The following FRY variants were observed in gnomAD, a reference collection of about 807,000 sequenced individuals.
FRY encodes FRY microtubule binding protein.
A neutral mutation model predicts 348.4 loss-of-function variants in FRY; 128 were observed. That is an observed-to-expected ratio of 0.37 (90% CI 0.32 to 0.43). The LOEUF (loss-of-function observed/expected upper bound fraction) is 0.43, where lower values mean the gene tolerates loss of function less well. Ranked by LOEUF, FRY falls within the 20% of genes least tolerant of loss-of-function variation. The pLI, the probability that FRY is intolerant of heterozygous loss-of-function variation, is 1.00. For synonymous variants in FRY, 1,370 were observed against 1,374.7 expected (o/e 1.00, Z 0.08); for missense variants, 2,736 against 3,695.2 (o/e 0.74, Z 6.73).
rs1292196488 is a variant in FRY, at chr13:32,126,504, A to T, written c.716+1629A>T. Among the ~76,000 whole-genome samples the T allele has an allele frequency of 3.3e-5, 5 of 152,048 alleles. No homozygotes were observed. In the East Asian group the frequency reaches 9.6e-4, roughly 29 times the overall value. ...AATGGTGGCTTTTTTTATTTTCGTG[A>T]TGTCAGTATTTGTCCCTATTCTGCG... On this transcript the variant is annotated intron_variant, in intron 7 of 60. Coordinates refer to ENST00000542859, the MANE Select transcript of FRY (RefSeq NM_023037.3).
intron 51 of FRY, 57 bp downstream of exon 51, chr13:32,254,451 C>A: frequency 6.9e-7 from 1 of 1,439,636 alleles, no homozygotes; most frequent in Non-Finnish European, 9.8e-7. Flanking sequence ...ACTAATGAAA[C>A]TATTCTTTTT....
intron 59 of FRY, 146 bp downstream of exon 59, chr13:32,289,889 C>G: frequency 1.5e-6 from 1 of 683,920 alleles, no homozygotes; most frequent in Non-Finnish European, 2.7e-6. Context: ...ATAAACATGT[C>G]TTGTATGTAT....
intron 43 of FRY, 94 bp downstream of exon 43, chr13:32,236,266 C>G: frequency 1.0e-6 from 1 of 966,866 alleles, no homozygotes; most frequent in Non-Finnish European, 1.6e-6. Flanking sequence ...AAGAAAAAAT[C>G]TAGTTTTTGA....
chr13:32,262,226 A>T (rs1188825691), intron 52 of FRY, 88 bp from the exon 53 acceptor site: 2 of 1,014,678 alleles, frequency 2.0e-6, no homozygotes, highest in Non-Finnish European at 3.1e-6. Context: ...AAAAATTAAG[A>T]CGTATTAACC....
chr13:32,258,576 G>A (rs1887458192), intron 51 of FRY, among the ~76,000 whole-genome samples: 1 of 151,018 alleles, frequency 6.6e-6, no homozygotes, highest in Non-Finnish European at 1.5e-5. Flanking sequence ...TCATGCCACT[G>A]CACTCCAGCC....
chr13:32,098,042 TA>T (rs1251797573), intron 2 of FRY, among the ~76,000 whole-genome samples: 2 of 152,076 alleles, frequency 1.3e-5, no homozygotes, highest in African/African-American at 2.4e-5. Context: ...GAACTTCTAT[TA>T]ATCTGGCAAA....
Position 32,239,350 on chromosome 13 carries a change from G to T in FRY, c.6516+1G>T. ...GGATATAGCCGAAAGGATTGCTCAG[G>T]TATGAGTTACAGTTCCACACTCAGG... On this transcript the variant is annotated splice_donor_variant, in intron 45 of 60. Coordinates refer to ENST00000542859, the MANE Select transcript of FRY (RefSeq NM_023037.3). LOFTEE classifies it high-confidence loss of function. The surrounding 1 kb of genome is among the most constrained non-coding windows in gnomAD (Gnocchi z 4.3). 6.3e-7 allele frequency: 1 copy of T among 1,576,350 alleles called. No homozygotes were observed. The highest frequency in any genetic ancestry group is 1.3e-5 in the African/African-American group (1 of 74,218).
In FRY at chr13:32,186,293, G is replaced by A; in HGVS notation, c.3353G>A (p.Ser1118Asn). ...CGAAGATTTCTCTTCCCCCAGCAAA[G>A]TCTGAGGCACCACCTTTTCATCTTA... The part of the protein sequence containing the change: ...HHRRFLFPQQ[S>N]LRHHLFILFS... The change falls in exon 27 of 61, where the codon AGT (serine) becomes AAT (asparagine). Residue 1118 changes from serine (S) to asparagine (N), a missense_variant. By Grantham distance (46) the Ser-to-Asn change is conservative (BLOSUM62 1). Around this residue, in one of 9 missense-constraint regions of FRY, gnomAD observed 449 missense variants for 576.9 expected, o/e 0.78. Coordinates refer to ENST00000542859, the MANE Select transcript of FRY (RefSeq NM_023037.3). 6.2e-7 allele frequency: 1 copy of A among 1,613,688 alleles called. No individual in the cohort carries two copies. Among genetic ancestry groups the A allele is most frequent in the Non-Finnish European group, 8.5e-7 (1 of 1,179,668 alleles).
chr13:32,036,305 TAGA>T (rs1441744739), intron 1 of FRY, among the ~76,000 whole-genome samples: 1 of 152,120 alleles, frequency 6.6e-6, no homozygotes, highest in East Asian at 1.9e-4. Flanking sequence ...TCCAGGCAAT[TAGA>T]AGGAGACTTA....
intron 58 of FRY, among the ~76,000 whole-genome samples, chr13:32,279,735 G>A (rs910841499): frequency 4.6e-5 from 7 of 152,194 alleles, no homozygotes; most frequent in Non-Finnish European, 8.8e-5. Context: ...ACTTTATTAC[G>A]TAAAAAGAAT....
chr13:32,291,160 C>CT (rs199641223), intron 59 of FRY, among the ~76,000 whole-genome samples: 407 of 152,096 alleles, frequency 2.7e-3, no homozygotes, highest in African/African-American at 9.1e-3. Context: ...ACCTCACCGT[C>CT]TAAGAGCAGA....
At chr13:32,186,989 A>G (rs1476776826) in intron 27 of FRY, among the ~76,000 whole-genome samples, 1 of 152,060 alleles carries the variant, frequency 6.6e-6, no homozygotes, top group Admixed American at 6.6e-5. Flanking sequence ...GTTATTCAAG[A>G]TCTCCTCTTC....
chr13:32,219,728 T>C (rs1593759370), intron 36 of FRY, among the ~76,000 whole-genome samples: 2 of 151,304 alleles, frequency 1.3e-5, no homozygotes, highest in African/African-American at 4.8e-5. Flanking sequence ...CACTGCACTG[T>C]AGCCTGGGCG....
At chr13:32,097,819 G>T (rs937148203) in intron 2 of FRY, among the ~76,000 whole-genome samples, 1 of 151,858 alleles carries the variant, frequency 6.6e-6, no homozygotes, top group Admixed American at 6.6e-5. Context: ...GAACTAAAAG[G>T]AATCTTCATA....
chr13:32,178,285 T>G lies in FRY; in HGVS notation c.2530T>G (p.Phe844Val). Residue 844 changes from phenylalanine to valine, a missense_variant, in exon 21 of 61, where the codon TTT becomes GTT. By Grantham distance (50) the Phe-to-Val change is conservative (BLOSUM62 -1). Around this residue, in one of 9 missense-constraint regions of FRY, gnomAD observed 449 missense variants for 576.9 expected, o/e 0.78. Coordinates refer to ENST00000542859, the MANE Select transcript of FRY (RefSeq NM_023037.3). Reference protein sequence around the residue: ...DVKSPSHVWIFAQSVKDPWVL... With the variant: ...DVKSPSHVWIVAQSVKDPWVL... ...GAAAAGCCCTTCCCATGTCTGGATATTTGCACAGTCTGTCAAAGACCCCTG... is the reference window on the plus strand; with the variant it reads ...GAAAAGCCCTTCCCATGTCTGGATAGTTGCACAGTCTGTCAAAGACCCCTG... The G allele has an allele frequency of 6.2e-7, 1 of 1,614,202 alleles. No individual in the cohort carries two copies. The highest frequency in any genetic ancestry group is 8.5e-7 in the Non-Finnish European group (1 of 1,180,026).
intron 2 of FRY, among the ~76,000 whole-genome samples, chr13:32,092,983 G>T (rs1368648677): frequency 6.6e-6 from 1 of 152,054 alleles, no homozygotes; most frequent in African/African-American, 2.4e-5. Context: ...TTTAGTTTTT[G>T]TTTGTTTGTT....
At chr13:32,225,099 A>G (rs12429612) in intron 38 of FRY, 63 bp downstream of exon 38, 101,608 of 924,154 alleles carry the variant, frequency 0.11, 6,293 homozygotes, top group African/African-American at 0.19. Context: ...AGTAATCCGT[A>G]GAGATTTCCT....
At chr13:32,072,664 G>T (rs1290010317) in intron 1 of FRY, among the ~76,000 whole-genome samples, 1 of 151,924 alleles carries the variant, frequency 6.6e-6, no homozygotes, top group Non-Finnish European at 1.5e-5. Flanking sequence ...TGACATGTTC[G>T]CAAAGAAGCT....
intron 10 of FRY, among the ~76,000 whole-genome samples, chr13:32,135,804 T>C (rs1003567116): frequency 6.6e-6 from 1 of 152,160 alleles, no homozygotes; most frequent in Non-Finnish European, 1.5e-5. Context: ...GCAAGTTGTT[T>C]AGGGATCTGG....
Sources: allele counts gnomAD v4.1 joint callset (sites outside exome capture counted in the v4.1 genomes callset), GRCh38; gene constraint gnomAD v4.1.1; regional missense constraint gnomAD v4.1.1; non-coding constraint Gnocchi (gnomAD v3.1); transcripts MANE v1.5; gene names NCBI Gene and HGNC (gene_info 2026-07-23, HGNC 2026-07-21).